Variants in DNAJC7 observed in about 807,000 individuals in gnomAD.
DNAJC7 encodes dnaJ homolog subfamily C member 7.
In DNAJC7, 18 loss-of-function variants were observed where a neutral mutation model predicts 67.4. That is an observed-to-expected ratio of 0.27 (90% CI 0.18 to 0.40). The LOEUF (loss-of-function observed/expected upper bound fraction) is 0.40. DNAJC7 is among the 10% of genes least tolerant of loss of function. The probability of loss-of-function intolerance (pLI) is 1.00; values close to 1 mark genes in which losing one functional copy is unlikely to be tolerated. For synonymous variants in DNAJC7, 220 were observed against 207.8 expected, an observed-to-expected ratio of 1.06 and a Z score of -0.50; for missense variants, 419 against 613.8, an observed-to-expected ratio of 0.68 and a Z score of 3.35.
intron 5 of DNAJC7, among the ~76,000 whole-genome samples, chr17:41,991,867 G>A (rs1283668499): frequency 6.6e-6 from 1 of 152,126 alleles, no homozygotes; most frequent in African/African-American, 2.4e-5. Context: ...TATCTGTAGA[G>A]ACAGGGTCTC....
chr17:42,005,250 G>A (rs1311530079), intron 1 of DNAJC7, among the ~76,000 whole-genome samples: 1 of 152,180 alleles, frequency 6.6e-6, no homozygotes, highest in Non-Finnish European at 1.5e-5. Flanking sequence ...GATTAAATCA[G>A]ACAACTTGGG....
At chr17:42,008,657 G>T (rs916051558) in intron 1 of DNAJC7, among the ~76,000 whole-genome samples, 1 of 152,018 alleles carries the variant, frequency 6.6e-6, no homozygotes, top group Non-Finnish European at 1.5e-5. Flanking sequence ...TGATCCGCCC[G>T]CCTCGGCCTC....
Position 42,000,465 on chromosome 17 carries a change from T to C in DNAJC7, c.166+17A>G, listed in dbSNP as rs2051780188. 1.3e-6 allele frequency: 2 copies of C among 1,557,616 alleles called. No individual in the cohort carries two copies. The highest frequency in any genetic ancestry group is 2.7e-5 in the African/African-American group (2 of 73,028). ...GCAAGTAAATGTTTTCTAGCGTAAG[T>C]ATCAGTTCTTTCTCACCTATGGCTT... On this transcript the variant is annotated intron_variant, in intron 2 of 13. Coordinates refer to ENST00000457167, the MANE Select transcript of DNAJC7 (RefSeq NM_003315.4).
At chr17:41,989,287 GC>G in intron 7 of DNAJC7, 116 bp downstream of exon 7, 3 of 1,372,274 alleles carry the variant, frequency 2.2e-6, no homozygotes, top group Non-Finnish European at 2.0e-6. Context: ...AAGCATCCTT[GC>G]AAAGCAGGAG....
In DNAJC7 at chr17:41,976,532, C is replaced by T. The variant is rs1009220506; in HGVS notation, c.*201G>A. 68 of 585,046 alleles carry T rather than the reference C, an allele frequency of 1.2e-4. 1 individual carries two copies. Among genetic ancestry groups the T allele is most frequent in the African/African-American group, 7.9e-4 (40 of 50,750 alleles). The allele number at this position is 585,046 out of a possible 1,614,324, so 36.2% of individuals were successfully genotyped here. On this transcript the variant is annotated 3_prime_UTR_variant, in exon 14 of 14. Transcript: ENST00000457167. ...CACAAGCTGCCTCCCTGTCCACCCC[C>T]GCCTCCCTCCCCTGCCCTCGGTCTT... is the stretch of plus-strand genomic sequence containing the variant.
In DNAJC7 at chr17:42,000,273, C is replaced by T. The variant is rs1229569598; in HGVS notation, c.166+209G>A. ...AGCTGGGATTACAGGTGCCCGCCACCAGGCCCAGCTAATTTTTGTATTTTC... is the reference window on the plus strand; with the variant it reads ...AGCTGGGATTACAGGTGCCCGCCACTAGGCCCAGCTAATTTTTGTATTTTC... On this transcript the variant is annotated intron_variant, in intron 2 of 13. Transcript: ENST00000457167. 2.0e-5 allele frequency among the ~76,000 whole-genome samples: 3 copies of T among 151,226 alleles called. No individual in the cohort carries two copies. The East Asian group carries it at 5.8e-4, about 29-fold the overall frequency.
At position 41,996,415 on chromosome 17, in the gene DNAJC7, G is replaced by T; in HGVS notation, c.301C>A (p.Arg101=). 6.2e-7 allele frequency: 1 copy of T among 1,613,248 alleles called. No homozygotes were observed. Among genetic ancestry groups the T allele is most frequent in the Non-Finnish European group, 8.5e-7 (1 of 1,179,656 alleles). The change falls in exon 4 of 14, where the codon CGA becomes AGA. Residue 101 remains arginine (R), a synonymous_variant. Transcript: ENST00000457167. ...AGAGAGAGGTGGCACTTGCCCTCTCGTAGATGTCCCTAAAAGAACACCAAG... is the reference window on the plus strand; with the variant it reads ...AGAGAGAGGTGGCACTTGCCCTCTCTTAGATGTCCCTAAAAGAACACCAAG... ...LDDSFVRGHL[R]EGKCHLSLGN... is the part of the protein sequence containing the mutation.
chr17:41,982,974 G>A (rs200691362), intron 10 of DNAJC7, among the ~76,000 whole-genome samples: 2 of 145,026 alleles, frequency 1.4e-5, no homozygotes, highest in African/African-American at 5.0e-5. Flanking sequence ...AAAAAAAAAA[G>A]AAAAAGAAAA....
intron 13 of DNAJC7, chr17:41,976,996 C>A (rs2051101069): frequency 7.7e-6 from 5 of 645,292 alleles, no homozygotes; most frequent in Non-Finnish European, 1.3e-5. Flanking sequence ...TACCTTTGCT[C>A]TTGCAGAGAA....
intron 1 of DNAJC7, among the ~76,000 whole-genome samples, chr17:42,009,589 A>T (rs1347510435): frequency 6.6e-6 from 1 of 152,224 alleles, no homozygotes; most frequent in African/African-American, 2.4e-5. Context: ...GAGGTGTCAC[A>T]ATCTATTACA....
chr17:42,012,782 T>C (rs782109536), intron 1 of DNAJC7, among the ~76,000 whole-genome samples: 47 of 152,138 alleles, frequency 3.1e-4, no homozygotes, highest in Non-Finnish European at 6.0e-4. Context: ...CCAACTAATA[T>C]ATCTTTTATT....
chr17:42,008,652 C>T (rs1414022513), intron 1 of DNAJC7, among the ~76,000 whole-genome samples: 6 of 151,994 alleles, frequency 3.9e-5, no homozygotes, highest in East Asian at 1.9e-4. Context: ...CCTCATGATC[C>T]GCCCGCCTCG....
At chr17:42,015,377 T>C (rs2052238941) in intron 1 of DNAJC7, 1 of 152,188 alleles carries the variant, frequency 6.6e-6, no homozygotes, top group Non-Finnish European at 1.5e-5. Flanking sequence ...CATTACAGCA[T>C]AACCTATTTT....
At chr17:41,983,954 G>A (rs1334621613) in intron 9 of DNAJC7, among the ~76,000 whole-genome samples, 1 of 152,216 alleles carries the variant, frequency 6.6e-6, no homozygotes, top group Admixed American at 6.5e-5. Context: ...AAAAGACAAT[G>A]TGAAGGGATC....
intron 2 of DNAJC7, among the ~76,000 whole-genome samples, chr17:41,999,387 G>A (rs1310576022): frequency 6.6e-6 from 1 of 152,190 alleles, no homozygotes; most frequent in Non-Finnish European, 1.5e-5. Context: ...CTCCCAAAAT[G>A]CTGGGATTAC....
intron 10 of DNAJC7, among the ~76,000 whole-genome samples, chr17:41,983,160 C>T (rs550673571): frequency 1.3e-5 from 2 of 151,878 alleles, no homozygotes; most frequent in Admixed American, 6.6e-5. Flanking sequence ...AGTCTCGCTC[C>T]GTCACCCAGG....
In DNAJC7 at chr17:41,976,590, CAG is replaced by C. The variant is rs1340463310; in HGVS notation, c.*141_*142del. On this transcript the variant is annotated 3_prime_UTR_variant, in exon 14 of 14. Transcript: ENST00000457167. ...GGTTCCCTTTGCTCCACCCCACTCACAGAGACACAGGGCATCCAACTGAGAAA... is the reference window on the plus strand; with the variant it reads ...GGTTCCCTTTGCTCCACCCCACTCACAGACACAGGGCATCCAACTGAGAAA... 1 of 1,081,574 alleles carries C rather than the reference CAG, an allele frequency of 9.2e-7. No homozygotes were observed. Among genetic ancestry groups the C allele is most frequent in the Non-Finnish European group, 1.3e-6 (1 of 766,552 alleles). The allele number at this position is 1,081,574 out of a possible 1,614,324, so 67.0% of individuals were successfully genotyped here. A position where few individuals can be genotyped will look rare whatever the true frequency, so the allele number is the denominator to read the frequency against.
At chr17:41,977,620 T>C (rs782096299) in intron 12 of DNAJC7, 2 of 277,758 alleles carry the variant, frequency 7.2e-6, no homozygotes, top group Non-Finnish European at 1.4e-5. Flanking sequence ...GGAATGCCAT[T>C]TGCACTTACA....
Position 42,000,507 on chromosome 17 carries a change from A to G in DNAJC7, c.141T>C (p.Ala47=), listed in dbSNP as rs2051780886. 6.2e-7 allele frequency: 1 copy of G among 1,610,850 alleles called. No homozygotes were observed. Among genetic ancestry groups the G allele is most frequent in the South Asian group, 1.1e-5 (1 of 90,550 alleles). ...CTATGGCTTTTGTATAATAATTATA[A>G]GCTTCATTGTAATCTTTCTTGGCAT... The part of the protein sequence containing the change: ...AYYAKKDYNE[A]YNYYTKAIDM... The change falls in exon 2 of 14, where the codon GCT becomes GCC. Residue 47 remains alanine, a synonymous_variant. Coordinates refer to ENST00000457167, the MANE Select transcript of DNAJC7 (RefSeq NM_003315.4).
Sources: gnomAD v4.1 joint callset for allele counts (sites outside exome capture counted in the v4.1 genomes callset) on GRCh38, gnomAD v4.1.1 for gene constraint, MANE v1.5 for transcripts, NCBI Gene and HGNC (gene_info 2026-07-23, HGNC 2026-07-21) for gene names.